The following RAB3D variants were observed in gnomAD, a reference collection of about 807,000 sequenced individuals.
RAB3D encodes the protein RAB3D, member RAS oncogene family.
In RAB3D, 17 loss-of-function variants were observed where a neutral mutation model predicts 19.3. The ratio of observed to expected loss-of-function variants is 0.88; its 90% CI spans 0.60 to 1.32. The LOEUF is 1.32. Among genes scored for constraint, RAB3D ranks in the 40% most tolerant of loss-of-function variants. RAB3D has a pLI of 0.00. For missense variants in RAB3D, 223 were observed against 299.1 expected (o/e 0.75, Z 1.88); for synonymous variants, 103 against 119.9 (o/e 0.86, Z 0.92).
At chr19:11,327,654 T>C (rs1453406632) in intron 4 of RAB3D, among the ~76,000 whole-genome samples, 8 of 152,004 alleles carry the variant, frequency 5.3e-5, no homozygotes, top group African/African-American at 1.9e-4. Context: ...CTGCCTCAGC[T>C]TCCCAAAGTG....
intron 2 of RAB3D, among the ~76,000 whole-genome samples, chr19:11,336,375 CAT>C (rs1444723703): frequency 6.6e-6 from 1 of 152,104 alleles, no homozygotes; most frequent in African/African-American, 2.4e-5. Context: ...GCGGTGCAAT[CAT>C]AGCTCACTGC....
rs2080805802 is a variant in RAB3D, at chr19:11,325,370, G to T, written c.*28C>A. 1 of 1,438,972 alleles carries T rather than the reference G, an allele frequency of 6.9e-7. No individual in the cohort carries two copies. Among genetic ancestry groups the T allele is most frequent in the Non-Finnish European group, 9.4e-7 (1 of 1,063,460 alleles). 89.1% of individuals were successfully genotyped at this position (1,438,972 alleles called of 1,614,324 possible). On this transcript the variant is annotated 3_prime_UTR_variant, in exon 5 of 5. Coordinates refer to ENST00000222120, the MANE Select transcript of RAB3D (RefSeq NM_004283.4). ...TCACAGTCCCTGCCGAGGCAGGAGA[G>T]GGGTGGGTGGGGGGTTGGGGGCCAT...
At chr19:11,338,620 G>A (rs1338338005) in intron 1 of RAB3D, among the ~76,000 whole-genome samples, 4 of 152,054 alleles carry the variant, frequency 2.6e-5, no homozygotes, top group Non-Finnish European at 5.9e-5. Context: ...TTTGTCAAAG[G>A]GGCCAGGCCT....
chr19:11,329,679 A>G (rs532260555), intron 4 of RAB3D, among the ~76,000 whole-genome samples: 96 of 151,852 alleles, frequency 6.3e-4, no homozygotes, highest in South Asian at 6.3e-4. Context: ...TTGTATGCCA[A>G]TCTTCTTTTT....
At chr19:11,335,325 A>G in intron 4 of RAB3D, 122 bp downstream of exon 4, 2 of 1,388,998 alleles carry the variant, frequency 1.4e-6, no homozygotes, top group Non-Finnish European at 2.0e-6. Context: ...TGGCATACAC[A>G]TGGGTATCTT....
intron 1 of RAB3D, among the ~76,000 whole-genome samples, chr19:11,338,532 A>AG (rs1966919356): frequency 6.6e-6 from 1 of 152,034 alleles, no homozygotes; most frequent in African/African-American, 2.4e-5. Context: ...CTGAGTTCCA[A>AG]GGGGAAGGGG....
chr19:11,331,767 C>T (rs1405982024), intron 4 of RAB3D, among the ~76,000 whole-genome samples: 1 of 151,536 alleles, frequency 6.6e-6, no homozygotes, highest in African/African-American at 2.4e-5. Flanking sequence ...GGTGGGATCA[C>T]ACCACTGTAC....
At chr19:11,327,202 A>C (rs551686269) in intron 4 of RAB3D, among the ~76,000 whole-genome samples, 1 of 152,332 alleles carries the variant, frequency 6.6e-6, no homozygotes, top group South Asian at 2.1e-4. Flanking sequence ...CCAGTGCCCG[A>C]CACAGAGAGG....
At chr19:11,330,845 C>T (rs1021745507) in intron 4 of RAB3D, among the ~76,000 whole-genome samples, 3 of 151,688 alleles carry the variant, frequency 2.0e-5, no homozygotes, top group African/African-American at 4.8e-5. Context: ...CCACTGCGCC[C>T]GGCAAAAAAA....
At chr19:11,325,848 A>C (rs944352371) in intron 4 of RAB3D, among the ~76,000 whole-genome samples, 5 of 152,158 alleles carry the variant, frequency 3.3e-5, no homozygotes, top group African/African-American at 1.2e-4. Flanking sequence ...CTACGGCGGG[A>C]GGATCGCTTG....
chr19:11,325,546 T>C lies in RAB3D; in HGVS notation c.512A>G (p.Asn171Ser), dbSNP rs143763081. 6.8e-5 allele frequency: 110 copies of C among 1,613,392 alleles called. No homozygotes were observed. The highest frequency in any genetic ancestry group is 1.6e-4 in the Middle Eastern group (1 of 6,080). The change falls in exon 5 of 5, where the codon AAT becomes AGT. Residue 171 changes from asparagine (N) to serine (S), a missense_variant. Transcript: ENST00000222120. Reference sequence around the variant, plus strand: ...CAGGCGCTCGAAGACCTGCTTCACATTGATGTTCTCCTTGGCACTGGCTTC... The same window carrying C: ...CAGGCGCTCGAAGACCTGCTTCACACTGATGTTCTCCTTGGCACTGGCTTC... ...FFEASAKENI[N>S]VKQVFERLVD...
rs904427619 is a variant in RAB3D at position 11,325,343 on chromosome 19, G to C, written c.*55C>G. 8.1e-7 allele frequency: 1 copy of C among 1,235,882 alleles called. No homozygotes were observed. Among genetic ancestry groups the C allele is most frequent in the Admixed American group, 2.2e-5 (1 of 46,208 alleles). The allele number at this position is 1,235,882 out of a possible 1,614,324, so 76.6% of individuals were successfully genotyped here. A position where few individuals can be genotyped will look rare whatever the true frequency, so the allele number is the denominator to read the frequency against. On this transcript the variant is annotated 3_prime_UTR_variant, in exon 5 of 5. Transcript: ENST00000222120. ...AGATAACCACTGTGGCTCACGCCTC[G>C]ATCACAGTCCCTGCCGAGGCAGGAG...
intron 2 of RAB3D, 64 bp from the exon 3 acceptor site, chr19:11,335,847 A>G (rs2080851271): frequency 3.5e-6 from 5 of 1,434,296 alleles, no homozygotes; most frequent in Non-Finnish European, 4.9e-6. Flanking sequence ...CCTGTCTTAG[A>G]GGGGCACTGC....
Position 11,335,767 on chromosome 19 carries a change from T to A in RAB3D, c.245A>T (p.Glu82Val). 6.2e-7 allele frequency: 1 copy of A among 1,614,134 alleles called. No individual in the cohort carries two copies. The highest frequency in any genetic ancestry group is 1.7e-5 in the Admixed American group (1 of 60,004). The change falls in exon 3 of 5, where the codon GAG becomes GTG. Residue 82 changes from glutamate (E) to valine (V), a missense_variant. By Grantham distance (121) the Glu-to-Val change is moderately radical. Transcript: ENST00000222120. ...KLQIWDTAGQ[E>V]RYRTITTAYY... ...GGCCGTGGTGATGGTGCGGTAGCGC[T>A]CCTGGCCCGCTGTGTCCTGGACAAA... is the stretch of plus-strand genomic sequence containing the variant.
intron 4 of RAB3D, among the ~76,000 whole-genome samples, chr19:11,333,320 T>G (rs2080841579): frequency 6.6e-6 from 1 of 152,098 alleles, no homozygotes; most frequent in East Asian, 1.9e-4. Context: ...GACCTCATGA[T>G]CCGCCCTCTT....
Position 11,325,442 on chromosome 19 carries a change from C to A in RAB3D, c.616G>T (p.Val206Leu). 1 of 1,608,230 alleles carries A rather than the reference C, an allele frequency of 6.2e-7. No homozygotes were observed. Among genetic ancestry groups the A allele is most frequent in the Non-Finnish European group, 8.5e-7 (1 of 1,179,828 alleles). ...SSGSNGKGPA[V>L]GDAPAPQPSS... ...GGCTGGGGGGCTGGAGCATCCCCCACGGCCGGGCCTTTCCCGTTGCTGCCT... is the reference window on the plus strand; with the variant it reads ...GGCTGGGGGGCTGGAGCATCCCCCAAGGCCGGGCCTTTCCCGTTGCTGCCT... Residue 206 changes from valine (V) to leucine (L), a missense_variant, in exon 5 of 5, where the codon GTG becomes TTG. Val to Leu is a conservative substitution (Grantham distance 32). Transcript: ENST00000222120.
rs1263687266 is a variant in RAB3D at position 11,337,295 on chromosome 19, C to G, written c.105G>C (p.Lys35Asn). The stretch of plus-strand genomic sequence containing the variant: ...CCGCGTATCGGAACAGGAAGGAAGT[C>G]TTGCCCACACTGCTGTTGCCTATCA... ...LLLIGNSSVG[K>N]TSFLFRYADD... Residue 35 changes from lysine (K) to asparagine (N), a missense_variant, in exon 2 of 5, where the codon AAG (lysine) becomes AAC (asparagine). Transcript: ENST00000222120. The G allele has an allele frequency of 6.2e-7, 1 of 1,614,000 alleles. No homozygotes were observed. The highest frequency in any genetic ancestry group is 8.5e-7 in the Non-Finnish European group (1 of 1,180,042).
chr19:11,325,248 T>G lies in RAB3D; in HGVS notation c.*150A>C. On this transcript the variant is annotated 3_prime_UTR_variant, in exon 5 of 5. Coordinates refer to ENST00000222120, the MANE Select transcript of RAB3D (RefSeq NM_004283.4). ...GAGGAACCTGGCAGCCACGGCGACA[T>G]TGTGAAGGAATGAGCCATGCAGGAG... 3.4e-6 allele frequency: 2 copies of G among 591,462 alleles called. No individual in the cohort carries two copies. The highest frequency in any genetic ancestry group is 5.9e-6 in the Non-Finnish European group (2 of 337,904). The allele number at this position is 591,462 out of a possible 1,614,324, so 36.6% of individuals were successfully genotyped here.
Position 11,335,456 on chromosome 19 carries a change from C to T in RAB3D, c.463G>A (p.Asp155Asn), listed in dbSNP as rs768275006. The T allele has an allele frequency of 2.5e-6, 4 of 1,614,068 alleles. No individual in the cohort carries two copies. Among genetic ancestry groups the T allele is most frequent in the East Asian group, 2.2e-5 (1 of 44,870 alleles). The change falls in exon 4 of 5, where the codon GAC (aspartate) becomes AAC (asparagine). Residue 155 changes from aspartate to asparagine, a missense_variant. By Grantham distance (23) the Asp-to-Asn change is conservative. Transcript: ENST00000222120. The part of the protein sequence containing the change: ...VPAEDGRRLA[D>N]DLGFEFFEAS... Reference sequence around the variant, plus strand: ...CAGGCTGGGCACTAACCAAGGTCGTCGGCGAGCCTCCGGCCATCCTCAGCA... The same window carrying T: ...CAGGCTGGGCACTAACCAAGGTCGTTGGCGAGCCTCCGGCCATCCTCAGCA...
Sources: allele counts gnomAD v4.1 joint callset (sites outside exome capture counted in the v4.1 genomes callset), GRCh38; gene constraint gnomAD v4.1.1; transcripts MANE v1.5; gene names NCBI Gene and HGNC (gene_info 2026-07-23, HGNC 2026-07-21).